RAP1B: variants seen among roughly 807,000 people sequenced by gnomAD.
The protein encoded by RAP1B is ras-related protein Rap-1b.
A neutral mutation model predicts 27.5 loss-of-function variants in RAP1B; 1 was observed. That is an observed-to-expected ratio of 0.04 (90% CI 0.01 to 0.17). The LOEUF (loss-of-function observed/expected upper bound fraction) is 0.17. Ranked by LOEUF, RAP1B falls within the 10% of genes least tolerant of loss-of-function variation. RAP1B has a pLI of 1.00. For synonymous variants in RAP1B, 75 were observed against 73.1 expected, an observed-to-expected ratio of 1.03 and a Z score of -0.13; for missense variants, 84 against 214.8, an observed-to-expected ratio of 0.39 and a Z score of 3.81.
chr12:68,647,191 T>C (rs1286133313), intron 1 of RAP1B, among the ~76,000 whole-genome samples: 1 of 152,152 alleles, frequency 6.6e-6, no homozygotes, highest in Admixed American at 6.5e-5. Flanking sequence ...TAGCTGTGAT[T>C]ACAGGCGTGT....
intron 1 of RAP1B, among the ~76,000 whole-genome samples, chr12:68,632,498 G>C (rs1872338474): frequency 6.6e-6 from 1 of 152,108 alleles, no homozygotes; most frequent in Non-Finnish European, 1.5e-5. Flanking sequence ...ATGTTTGGAA[G>C]ATTATACTCA....
intron 4 of RAP1B, 112 bp downstream of exon 4, chr12:68,652,163 C>T: frequency 2.4e-6 from 2 of 830,764 alleles, no homozygotes; most frequent in Middle Eastern, 2.9e-4. Context: ...GTACTGCTTG[C>T]AGCCGGTTGT....
intron 1 of RAP1B, among the ~76,000 whole-genome samples, chr12:68,620,435 C>T (rs979083765): frequency 6.6e-6 from 1 of 151,962 alleles, no homozygotes; most frequent in African/African-American, 2.4e-5. Context: ...ATTGGCCAGG[C>T]TGGTCCCGAA....
In RAP1B at chr12:68,657,143, G is replaced by T. The variant is rs1391563803; in HGVS notation, c.511G>T (p.Val171Leu). The T allele has an allele frequency of 3.1e-6, 5 of 1,613,674 alleles. No homozygotes were observed. In the East Asian group the frequency reaches 6.7e-5, roughly 22 times the overall value. Residue 171 changes from valine to leucine, a missense_variant, in exon 7 of 8, where the codon GTG (valine) becomes TTG (leucine). Physicochemically the swap from Val to Leu is conservative, Grantham distance 32 (BLOSUM62 1). Transcript: ENST00000250559. ...LVRQINRKTP[V>L]PGKARKKSSC... is the part of the protein sequence containing the mutation. ...GCGGCAAATTAACAGAAAAACTCCA[G>T]TGCCTGGGAAGGCTCGCAAAAAGTC...
intron 1 of RAP1B, among the ~76,000 whole-genome samples, chr12:68,644,358 A>T (rs1369806204): frequency 2.0e-5 from 3 of 152,150 alleles, no homozygotes; most frequent in Non-Finnish European, 1.5e-5. Flanking sequence ...TGGGAGGCCA[A>T]GGCGGGCGGA....
At position 68,634,823 on chromosome 12, in the gene RAP1B, A is replaced by C. The variant is rs1872520451; in HGVS notation, c.-26-13876A>C. ...AAAGCTAACCTTACGTTGCATGTCA[A>C]ATTATATGTTGTTGAATATTTCAGG... On this transcript the variant is annotated intron_variant, in intron 1 of 7. Transcript: ENST00000250559. Among the ~76,000 whole-genome samples, 3 of 152,308 alleles carry C rather than the reference A, an allele frequency of 2.0e-5. No individual in the cohort carries two copies. In the South Asian group the frequency reaches 6.2e-4, roughly 32 times the overall value.
chr12:68,663,044 T>G lies in RAP1B; in HGVS notation c.*3795T>G, dbSNP rs1874686230. The G allele has an allele frequency of 6.6e-6, 1 of 152,072 alleles. No homozygotes were observed. Among genetic ancestry groups the G allele is most frequent in the African/African-American group, 2.4e-5 (1 of 41,384 alleles). The allele number at this position is 152,072 out of a possible 1,614,324, so 9.4% of individuals were successfully genotyped here. ...ATTTGTTACAGTGCATCAACACATT[T>G]GAATTTTCTTTTTTTTTCTTTTTCT... On this transcript the variant is annotated 3_prime_UTR_variant, in exon 8 of 8. Transcript: ENST00000250559.
chr12:68,646,523 T>C (rs1461553388), intron 1 of RAP1B, among the ~76,000 whole-genome samples: 1 of 152,098 alleles, frequency 6.6e-6, no homozygotes, highest in Non-Finnish European at 1.5e-5. Context: ...CTCCTGACCT[T>C]GTGATCCGCC....
chr12:68,629,668 ACT>A (rs1418742689), intron 1 of RAP1B, among the ~76,000 whole-genome samples: 3 of 152,142 alleles, frequency 2.0e-5, no homozygotes, highest in Admixed American at 6.5e-5. Flanking sequence ...CTTTATATAT[ACT>A]GTTTTATCAT....
chr12:68,627,417 T>C (rs1177624169), intron 1 of RAP1B: 4 of 482,068 alleles, frequency 8.3e-6, no homozygotes, highest in Non-Finnish European at 1.5e-5. Context: ...CAATCCCTAC[T>C]AGAATGAGAG....
chr12:68,642,833 C>A, intron 1 of RAP1B: 2 of 997,372 alleles, frequency 2.0e-6, no homozygotes, highest in Non-Finnish European at 3.2e-6. Context: ...GTAGTAAGCC[C>A]AGTCGATAAC....
intron 4 of RAP1B, among the ~76,000 whole-genome samples, chr12:68,653,229 G>T (rs542713764): frequency 7.1e-4 from 108 of 152,068 alleles, no homozygotes; most frequent in African/African-American, 2.5e-3. Context: ...GAAATATTTT[G>T]ATTGGTATCT....
At position 68,668,936 on chromosome 12, in the gene RAP1B, A is replaced by G. The variant is rs1361168783; in HGVS notation, c.*9687A>G. On this transcript the variant is annotated 3_prime_UTR_variant, in exon 8 of 8. Transcript: ENST00000250559. Reference sequence around the variant, plus strand: ...GTGTTGTTCAACCCTCAGCAATGCTATGAAATAGGGGCTGAGTCTCCTAAT... The same window carrying G: ...GTGTTGTTCAACCCTCAGCAATGCTGTGAAATAGGGGCTGAGTCTCCTAAT... 1 of 152,184 alleles carries G rather than the reference A, an allele frequency of 6.6e-6. No homozygotes were observed. Among genetic ancestry groups the G allele is most frequent in the Non-Finnish European group, 1.5e-5 (1 of 68,030 alleles). 9.4% of individuals were successfully genotyped at this position (152,184 alleles called of 1,614,324 possible).
chr12:68,626,087 G>A (rs373571438), intron 1 of RAP1B, among the ~76,000 whole-genome samples: 4 of 152,266 alleles, frequency 2.6e-5, no homozygotes, highest in African/African-American at 9.6e-5. Context: ...ATTCGGCCTT[G>A]TGTTGAAACA....
Position 68,662,608 on chromosome 12 carries a change from A to G in RAP1B, c.*3359A>G, listed in dbSNP as rs762443108. 1 of 152,030 alleles carries G rather than the reference A, an allele frequency of 6.6e-6. No homozygotes were observed. Among genetic ancestry groups the G allele is most frequent in the Admixed American group, 6.6e-5 (1 of 15,260 alleles). 9.4% of individuals were successfully genotyped at this position (152,030 alleles called of 1,614,324 possible). A position where few individuals can be genotyped will look rare whatever the true frequency, so the allele number is the denominator to read the frequency against. Reference sequence around the variant, plus strand: ...CTTATCTGTGTTTTCATTGAATTTAATCTCCATCTATTCTATCTCTTCTTA... The same window carrying G: ...CTTATCTGTGTTTTCATTGAATTTAGTCTCCATCTATTCTATCTCTTCTTA... On this transcript the variant is annotated 3_prime_UTR_variant, in exon 8 of 8. Coordinates refer to ENST00000250559, the MANE Select transcript of RAP1B (RefSeq NM_001010942.3).
chr12:68,649,334 G>A (rs1374107441), intron 2 of RAP1B: 1 of 152,696 alleles, frequency 6.5e-6, no homozygotes, highest in Non-Finnish European at 1.5e-5. Context: ...AAATCACCAT[G>A]CCTGGCTTGC....
chr12:68,619,064 C>T (rs569352743), intron 1 of RAP1B, among the ~76,000 whole-genome samples: 45 of 152,242 alleles, frequency 3.0e-4, no homozygotes, highest in African/African-American at 7.2e-4. Flanking sequence ...CGTGCCACTG[C>T]GCTTCAACCT....
At chr12:68,624,296 A>G (rs1374293717) in intron 1 of RAP1B, among the ~76,000 whole-genome samples, 1 of 152,190 alleles carries the variant, frequency 6.6e-6, no homozygotes. Flanking sequence ...GGTGCCTAAC[A>G]AACACTAACA....
chr12:68,627,257 G>T, intron 1 of RAP1B: 2 of 1,105,248 alleles, frequency 1.8e-6, no homozygotes, highest in Non-Finnish European at 2.7e-6. Context: ...GTCCCTTAGA[G>T]CAACCCATAC....
Sources: gnomAD v4.1 joint callset for allele counts (sites outside exome capture counted in the v4.1 genomes callset) on GRCh38, gnomAD v4.1.1 for gene constraint, MANE v1.5 for transcripts, NCBI Gene and HGNC (gene_info 2026-07-23, HGNC 2026-07-21) for gene names.